TACR3: variants seen among roughly 807,000 people sequenced by gnomAD.
TACR3 encodes the protein tachykinin receptor 3.
Under a neutral mutation model 35.0 loss-of-function variants are expected in TACR3, and 34 were observed. The observed-to-expected ratio is 0.97, with a 90% CI of 0.74 to 1.30. The LOEUF (loss-of-function observed/expected upper bound fraction) is 1.30, where lower values mean the gene tolerates loss of function less well. Among genes scored for constraint, TACR3 ranks in the 50% most tolerant of loss-of-function variants. The pLI, the probability that TACR3 is intolerant of heterozygous loss-of-function variation, is 0.00. For missense variants in TACR3, 558 were observed against 591.7 expected (o/e 0.94, Z 0.59); for synonymous variants, 233 against 221.1 (o/e 1.05, Z -0.48).
chr4:103,589,659 A>G lies in TACR3; in HGVS notation c.*23T>C. 6.2e-7 allele frequency: 1 copy of G among 1,613,440 alleles called. No homozygotes were observed. The highest frequency in any genetic ancestry group is 8.5e-7 in the Non-Finnish European group (1 of 1,179,542). On this transcript the variant is annotated 3_prime_UTR_variant, in exon 5 of 5. Coordinates refer to ENST00000304883, the MANE Select transcript of TACR3 (RefSeq NM_001059.3). Reference sequence around the variant, plus strand: ...CTGGCACCATGATGGTCTCACACTAATCTTTTACCTCAGGAAATGGAATTA... The same window carrying G: ...CTGGCACCATGATGGTCTCACACTAGTCTTTTACCTCAGGAAATGGAATTA...
intron 1 of TACR3, among the ~76,000 whole-genome samples, chr4:103,704,314 A>C (rs1722735980): frequency 6.6e-6 from 1 of 152,092 alleles, no homozygotes; most frequent in African/African-American, 2.4e-5. Flanking sequence ...GGAAAAGGAG[A>C]TGGCATCCTA....
chr4:103,705,879 A>G (rs7691293), intron 1 of TACR3, among the ~76,000 whole-genome samples: 2,178 of 152,292 alleles, frequency 0.014, 39 homozygotes, highest in African/African-American at 0.049. Flanking sequence ...GATTAAGAAT[A>G]TTATTCTTCT....
chr4:103,647,425 A>G (rs2110323620), intron 3 of TACR3, among the ~76,000 whole-genome samples: 1 of 152,060 alleles, frequency 6.6e-6, no homozygotes, highest in Non-Finnish European at 1.5e-5. Context: ...CTTGGTCAGC[A>G]AACAGGATAA....
chr4:103,629,368 C>T (rs1047094249), intron 3 of TACR3, among the ~76,000 whole-genome samples: 1 of 152,098 alleles, frequency 6.6e-6, no homozygotes, highest in African/African-American at 2.4e-5. Flanking sequence ...TTTCAGATGA[C>T]ATGATTGTAT....
chr4:103,586,046 T>C lies in TACR3; in HGVS notation c.*3636A>G, dbSNP rs1246861326. On this transcript the variant is annotated 3_prime_UTR_variant, in exon 5 of 5. Coordinates refer to ENST00000304883, the MANE Select transcript of TACR3 (RefSeq NM_001059.3). ...GTAAGACTTCTTTTACTTTTAATAT[T>C]AGTTTTAATGTTTTTAAAGAAAAAA... 1.3e-5 allele frequency: 2 copies of C among 152,046 alleles called. No homozygotes were observed. Among genetic ancestry groups the C allele is most frequent in the Non-Finnish European group, 2.9e-5 (2 of 68,006 alleles). 9.4% of individuals were successfully genotyped at this position (152,046 alleles called of 1,614,324 possible). A position where few individuals can be genotyped will look rare whatever the true frequency, so the allele number is the denominator to read the frequency against.
intron 1 of TACR3, among the ~76,000 whole-genome samples, chr4:103,687,039 T>A (rs1024500579): frequency 1.8e-4 from 28 of 152,176 alleles, no homozygotes; most frequent in Non-Finnish European, 3.7e-4. Context: ...ATCAAAAAGC[T>A]TATCCACCAT....
At chr4:103,711,515 T>G (rs150436498) in intron 1 of TACR3, among the ~76,000 whole-genome samples, 3,067 of 152,286 alleles carry the variant, frequency 0.02, 101 homozygotes, top group African/African-American at 0.071. Context: ...GAGGTATTTA[T>G]GACAAACCCA....
rs142176586 is a variant in TACR3, at chr4:103,695,711, C to CTCTGTGTGTGTG, written c.548+23416_548+23417insCACACACACAGA. Among the ~76,000 whole-genome samples the CTCTGTGTGTGTG allele has an allele frequency of 2.5e-4, 37 of 146,094 alleles. 1 individual carries two copies. Among genetic ancestry groups the CTCTGTGTGTGTG allele is most frequent in the African/African-American group, 8.7e-4 (35 of 40,100 alleles). On this transcript the variant is annotated intron_variant, in intron 1 of 4. Coordinates refer to ENST00000304883, the MANE Select transcript of TACR3 (RefSeq NM_001059.3). The stretch of plus-strand genomic sequence containing the variant: ...ACAGAATATAGATATGTCTCTCTCT[C>CTCTGTGTGTGTG]TGTGTGTGTGTGTGTGTGTGTGTGT...
At chr4:103,626,466 G>A (rs1479767317) in intron 3 of TACR3, among the ~76,000 whole-genome samples, 3 of 152,010 alleles carry the variant, frequency 2.0e-5, no homozygotes, top group Non-Finnish European at 4.4e-5. Context: ...ACGTATAGCT[G>A]GTGTAACCAG....
rs565369337 is a variant in TACR3, at chr4:103,710,911, G to T, written c.548+8217C>A. Among the ~76,000 whole-genome samples, 254 of 152,164 alleles carry T rather than the reference G, an allele frequency of 1.7e-3. 2 individuals carry two copies. Among genetic ancestry groups the T allele is most frequent in the African/African-American group, 6.0e-3 (250 of 41,536 alleles). On this transcript the variant is annotated intron_variant, in intron 1 of 4. Transcript: ENST00000304883. ...ATCTAGAAGAAATGGATAAATTCCT[G>T]GACACATACACCCTCCCAAGACTAA... is the stretch of plus-strand genomic sequence containing the variant.
intron 3 of TACR3, among the ~76,000 whole-genome samples, chr4:103,597,311 A>G (rs907513635): frequency 2.0e-5 from 3 of 152,060 alleles, no homozygotes; most frequent in South Asian, 2.1e-4. Flanking sequence ...GTGTGAGATG[A>G]TATCTCATTG....
chr4:103,630,859 T>C (rs1725041570), intron 3 of TACR3, among the ~76,000 whole-genome samples: 1 of 152,188 alleles, frequency 6.6e-6, no homozygotes, highest in African/African-American at 2.4e-5. Flanking sequence ...TAAATCATGC[T>C]ACTATAAAGA....
intron 1 of TACR3, among the ~76,000 whole-genome samples, chr4:103,693,636 A>T (rs780373047): frequency 6.6e-6 from 1 of 152,120 alleles, no homozygotes; most frequent in Non-Finnish European, 1.5e-5. Context: ...ATATTGATTC[A>T]TAAGAACTAA....
chr4:103,626,896 C>T lies in TACR3; in HGVS notation c.888+29298G>A, dbSNP rs148812888. Among the ~76,000 whole-genome samples, 586 of 151,656 alleles carry T rather than the reference C, an allele frequency of 3.9e-3. 3 individuals are homozygous for T. Among genetic ancestry groups the T allele is most frequent in the African/African-American group, 4.5e-3 (187 of 41,326 alleles). The stretch of plus-strand genomic sequence containing the variant: ...TGTATTGTTTTAATTGTGGTGGGGC[C>T]GAGCGCGGTAGCTCACACCCGTTAT... On this transcript the variant is annotated intron_variant, in intron 3 of 4. Coordinates refer to ENST00000304883, the MANE Select transcript of TACR3 (RefSeq NM_001059.3).
At chr4:103,686,481 C>T (rs1232852940) in intron 1 of TACR3, among the ~76,000 whole-genome samples, 6 of 152,026 alleles carry the variant, frequency 3.9e-5, no homozygotes, top group African/African-American at 1.4e-4. Flanking sequence ...AACAAACACT[C>T]CATAAAATTA....
At position 103,719,261 on chromosome 4, in the gene TACR3, T is replaced by C; in HGVS notation, c.415A>G (p.Thr139Ala). 6.2e-7 allele frequency: 1 copy of C among 1,614,158 alleles called. No individual in the cohort carries two copies. The highest frequency in any genetic ancestry group is 8.5e-7 in the Non-Finnish European group (1 of 1,180,022). The change falls in exon 1 of 5, where the codon ACG (threonine) becomes GCG (alanine). Residue 139 changes from threonine to alanine, a missense_variant. By Grantham distance (58) the Thr-to-Ala change is moderately conservative. Coordinates refer to ENST00000304883, the MANE Select transcript of TACR3 (RefSeq NM_001059.3). ...FSDASMAAFN[T>A]LVNFIYALHS... ...AGCGCGTAGATGAAATTGACCAACG[T>C]GTTGAAGGCGGCCATGGAGGCGTCG...
intron 1 of TACR3, among the ~76,000 whole-genome samples, chr4:103,713,714 C>G: frequency 6.6e-6 from 1 of 151,968 alleles, no homozygotes; most frequent in East Asian, 1.9e-4. Context: ...AGTCATGGTT[C>G]TGGATGAGAT....
chr4:103,626,433 G>A (rs1043642633), intron 3 of TACR3, among the ~76,000 whole-genome samples: 1 of 151,792 alleles, frequency 6.6e-6, no homozygotes, highest in South Asian at 2.1e-4. Context: ...TTTTTTTGAC[G>A]AATTTTTGTG....
chr4:103,671,908 A>G (rs896159119), intron 1 of TACR3, among the ~76,000 whole-genome samples: 4 of 152,114 alleles, frequency 2.6e-5, no homozygotes, highest in Non-Finnish European at 4.4e-5. Flanking sequence ...GCTATTTGAT[A>G]GCATTTTACC....
Sources: allele counts gnomAD v4.1 joint callset (sites outside exome capture counted in the v4.1 genomes callset), GRCh38; gene constraint gnomAD v4.1.1; transcripts MANE v1.5; gene names NCBI Gene and HGNC (gene_info 2026-07-23, HGNC 2026-07-21).